RAB39A: variants seen among roughly 807,000 people sequenced by gnomAD.
RAB39A encodes the protein ras-related protein Rab-39A.
In RAB39A, 17 loss-of-function variants were observed where a neutral mutation model predicts 20.9. The observed-to-expected ratio is 0.81, with a 90% CI of 0.56 to 1.22. The LOEUF is 1.22. Among genes scored for constraint, RAB39A ranks in the 50% most tolerant of loss-of-function variants. The probability of loss-of-function intolerance (pLI) is 0.00; values close to 1 mark genes in which losing one functional copy is unlikely to be tolerated. For synonymous variants in RAB39A, 99 were observed against 103.4 expected (o/e 0.96, Z 0.26); for missense variants, 234 against 270.5 (o/e 0.87, Z 0.95).
Position 107,928,625 on chromosome 11 carries a change from G to A in RAB39A, c.57G>A (p.Val19=). The A allele has an allele frequency of 1.9e-6, 3 of 1,604,604 alleles. No homozygotes were observed. Among genetic ancestry groups the A allele is most frequent in the Non-Finnish European group, 1.7e-6 (2 of 1,172,972 alleles). ...FRLIVIGDST[V]GKSCLLHRFT... ...TCATCGTGATCGGGGACTCCACCGT[G>A]GGCAAGTCCTGCCTCCTGCACCGCT... The change falls in exon 1 of 2, where the codon GTG becomes GTA. Residue 19 remains valine, a synonymous_variant. Transcript: ENST00000320578. The surrounding 1 kb of genome is among the most constrained non-coding windows in gnomAD (Gnocchi z 4.9).
intron 1 of RAB39A, among the ~76,000 whole-genome samples, chr11:107,955,263 C>T (rs1436903463): frequency 6.6e-6 from 1 of 152,084 alleles, no homozygotes; most frequent in Non-Finnish European, 1.5e-5. Flanking sequence ...TCCCAAAGTG[C>T]TGGGATTACA....
intron 1 of RAB39A, among the ~76,000 whole-genome samples, chr11:107,951,209 T>A (rs1185164451): frequency 1.3e-5 from 2 of 152,290 alleles, no homozygotes; most frequent in South Asian, 4.2e-4. Flanking sequence ...GAGTCAATAA[T>A]AATCAAAGGA....
chr11:107,962,340 G>A lies in RAB39A; in HGVS notation c.622G>A (p.Ala208Thr). 2 of 1,609,192 alleles carry A rather than the reference G, an allele frequency of 1.2e-6. No homozygotes were observed. The highest frequency in any genetic ancestry group is 8.5e-7 in the Non-Finnish European group (1 of 1,176,254). ...AAATACTGTGCATTCTTCTGAGGAA[G>A]CAGTAAAGCCCAGGAAAGAATGCTT... ...VPNTVHSSEE[A>T]VKPRKECFC Residue 208 changes from alanine (A) to threonine (T), a missense_variant, in exon 2 of 2, where the codon GCA becomes ACA. Coordinates refer to ENST00000320578, the MANE Select transcript of RAB39A (RefSeq NM_017516.3).
intron 1 of RAB39A, among the ~76,000 whole-genome samples, chr11:107,931,462 G>A (rs1042400804): frequency 2.0e-5 from 3 of 152,048 alleles, no homozygotes; most frequent in African/African-American, 4.8e-5. Flanking sequence ...AAATACATAC[G>A]TATTTCAGTA....
intron 1 of RAB39A, among the ~76,000 whole-genome samples, chr11:107,944,850 T>A (rs1861293580): frequency 6.6e-6 from 1 of 151,962 alleles, no homozygotes; most frequent in Non-Finnish European, 1.5e-5. Context: ...GCTGAATATG[T>A]CAGTAGTAAG....
intron 1 of RAB39A, among the ~76,000 whole-genome samples, chr11:107,950,040 C>T (rs998801834): frequency 3.3e-5 from 5 of 151,918 alleles, no homozygotes; most frequent in Non-Finnish European, 5.9e-5. Flanking sequence ...ATTAGCCGGG[C>T]GTGGTGGCCG....
chr11:107,934,878 G>A (rs1484019547), intron 1 of RAB39A, among the ~76,000 whole-genome samples: 2 of 145,040 alleles, frequency 1.4e-5, no homozygotes, highest in African/African-American at 2.5e-5. Context: ...GCGGTGAGCC[G>A]AGATTACACC....
chr11:107,946,448 ATATATATATATATTTTTTTTTTTT>A (rs1861315931), intron 1 of RAB39A, among the ~76,000 whole-genome samples: 3 of 70,118 alleles, frequency 4.3e-5, no homozygotes, highest in African/African-American at 1.7e-4. Flanking sequence ...ATATATATAT[ATATATATATATATTTTTTTTTTTT>A]TTTTTTTTTT....
rs1487404909 is a variant in RAB39A at position 107,962,336 on chromosome 11, G to C, written c.618G>C (p.Glu206Asp). The C allele has an allele frequency of 6.2e-7, 1 of 1,610,158 alleles. No homozygotes were observed. The highest frequency in any genetic ancestry group is 1.3e-5 in the African/African-American group (1 of 74,850). ...GFVPNTVHSS[E>D]EAVKPRKECF... ...TTCCAAATACTGTGCATTCTTCTGA[G>C]GAAGCAGTAAAGCCCAGGAAAGAAT... Residue 206 changes from glutamate (E) to aspartate (D), a missense_variant, in exon 2 of 2, where the codon GAG (glutamate) becomes GAC (aspartate). Coordinates refer to ENST00000320578, the MANE Select transcript of RAB39A (RefSeq NM_017516.3).
chr11:107,949,320 A>C (rs988552023), intron 1 of RAB39A, among the ~76,000 whole-genome samples: 39 of 152,180 alleles, frequency 2.6e-4, no homozygotes, highest in African/African-American at 8.9e-4. Flanking sequence ...AAAAAAATAG[A>C]GAAAAGAACA....
At position 107,963,396 on chromosome 11, in the gene RAB39A, C is replaced by T. The variant is rs775878609; in HGVS notation, c.*1024C>T. The T allele has an allele frequency of 1.4e-4, 21 of 151,998 alleles. No homozygotes were observed. The highest frequency in any genetic ancestry group is 3.2e-3 in the Middle Eastern group (1 of 316). 9.4% of individuals were successfully genotyped at this position (151,998 alleles called of 1,614,324 possible). On this transcript the variant is annotated 3_prime_UTR_variant, in exon 2 of 2. Transcript: ENST00000320578. ...ATCAGCAGCACATGTTTTGCTGTTA[C>T]GGTGTACTGTTCGTATTTAGACAAG... is the stretch of plus-strand genomic sequence containing the variant.
chr11:107,946,953 G>A (rs929911070), intron 1 of RAB39A, among the ~76,000 whole-genome samples: 3 of 151,832 alleles, frequency 2.0e-5, no homozygotes, highest in African/African-American at 4.8e-5. Context: ...AGACGTGCTC[G>A]CTTGAACCCA....
intron 1 of RAB39A, among the ~76,000 whole-genome samples, chr11:107,934,734 C>T (rs933182653): frequency 0.21 from 12 of 56 alleles, no homozygotes; most frequent in Non-Finnish European, 0.056. Context: ...CGAGACCAGC[C>T]TGGCCAAACA....
At position 107,961,972 on chromosome 11, in the gene RAB39A, A is replaced by G. The variant is rs1371753180; in HGVS notation, c.254A>G (p.Asn85Ser). The stretch of plus-strand genomic sequence containing the variant: ...TCAATAACCCGATCTTATTACCGCA[A>G]CTCAGTTGGTGGATTTTTAGTATTT... The part of the protein sequence containing the change: ...FRSITRSYYR[N>S]SVGGFLVFDI... The change falls in exon 2 of 2, where the codon AAC becomes AGC. Residue 85 changes from asparagine to serine, a missense_variant. Physicochemically the swap from Asn to Ser is conservative, Grantham distance 46. Coordinates refer to ENST00000320578, the MANE Select transcript of RAB39A (RefSeq NM_017516.3). The G allele has an allele frequency of 2.5e-6, 4 of 1,612,438 alleles. No individual in the cohort carries two copies. Among genetic ancestry groups the G allele is most frequent in the East Asian group, 4.5e-5 (2 of 44,836 alleles).
intron 1 of RAB39A, among the ~76,000 whole-genome samples, chr11:107,945,318 C>A (rs1454048474): frequency 4.8e-3 from 416 of 87,362 alleles, no homozygotes; most frequent in South Asian, 6.1e-3. Context: ...CCCGTCTCTA[C>A]AAAAAAAAAA....
chr11:107,931,258 C>T (rs1053456003), intron 1 of RAB39A, among the ~76,000 whole-genome samples: 2 of 152,148 alleles, frequency 1.3e-5, no homozygotes, highest in South Asian at 2.1e-4. Flanking sequence ...ATTACAGGCG[C>T]GTGAGCCACC....
intron 1 of RAB39A, among the ~76,000 whole-genome samples, chr11:107,960,294 C>G (rs1356763870): frequency 1.3e-5 from 2 of 151,698 alleles, no homozygotes; most frequent in African/African-American, 4.8e-5. Flanking sequence ...AACAGCAAAT[C>G]CAGTCAGCAT....
intron 1 of RAB39A, among the ~76,000 whole-genome samples, chr11:107,953,714 C>G (rs976269442): frequency 1.3e-5 from 2 of 152,154 alleles, no homozygotes; most frequent in African/African-American, 4.8e-5. Flanking sequence ...GGCACCATCA[C>G]CCTATTTTCA....
rs1348382547 is a variant in RAB39A, at chr11:107,928,653, A to C, written c.85A>C (p.Thr29Pro). 7 of 1,612,252 alleles carry C rather than the reference A, an allele frequency of 4.3e-6. No individual in the cohort carries two copies. Among genetic ancestry groups the C allele is most frequent in the Non-Finnish European group, 5.9e-6 (7 of 1,178,904 alleles). ...VGKSCLLHRF[T>P]QGRFPGLRSP... is the part of the protein sequence containing the mutation. ...CAAGTCCTGCCTCCTGCACCGCTTC[A>C]CCCAGGGCCGCTTCCCCGGGCTGCG... The change falls in exon 1 of 2, where the codon ACC becomes CCC. Residue 29 changes from threonine to proline, a missense_variant. Coordinates refer to ENST00000320578, the MANE Select transcript of RAB39A (RefSeq NM_017516.3). This position sits in a 1 kb window ranked among gnomAD's most constrained non-coding sequence, Gnocchi z 4.9.
Sources: gnomAD v4.1 joint callset for allele counts (sites outside exome capture counted in the v4.1 genomes callset) on GRCh38, gnomAD v4.1.1 for gene constraint, Gnocchi (gnomAD v3.1) non-coding constraint, MANE v1.5 for transcripts, NCBI Gene and HGNC (gene_info 2026-07-23, HGNC 2026-07-21) for gene names.